The following GRID1 variants were observed in gnomAD, a reference collection of about 807,000 sequenced individuals.
GRID1 encodes the protein glutamate ionotropic receptor delta type subunit 1, also known as glutamate receptor ionotropic, delta-1.
Under a neutral mutation model 98.0 loss-of-function variants are expected in GRID1, and 28 were observed. The ratio of observed to expected loss-of-function variants is 0.29; its 90% CI spans 0.21 to 0.39. GRID1 has a LOEUF of 0.39. Ranked by LOEUF, GRID1 falls within the 10% of genes least tolerant of loss-of-function variation. The probability of loss-of-function intolerance (pLI) is 1.00; values close to 1 mark genes in which losing one functional copy is unlikely to be tolerated. For missense variants in GRID1, 1,111 were observed against 1,340.5 expected, an observed-to-expected ratio of 0.83 and a Z score of 2.67; for synonymous variants, 553 against 538.5, an observed-to-expected ratio of 1.03 and a Z score of -0.37.
At chr10:86,139,882 G>A (rs1433987911) in intron 3 of GRID1, among the ~76,000 whole-genome samples, 1 of 151,742 alleles carries the variant, frequency 6.6e-6, no homozygotes, top group Non-Finnish European at 1.5e-5. Flanking sequence ...AGGCCTGAGG[G>A]TGCTAAAGTT....
intron 2 of GRID1, among the ~76,000 whole-genome samples, chr10:86,234,789 C>T (rs1564714515): frequency 8.5e-6 from 1 of 117,806 alleles, no homozygotes. Context: ...ATGGTCCATC[C>T]AGCTCTGGGC....
chr10:85,929,750 AC>A (rs147435363), intron 4 of GRID1, among the ~76,000 whole-genome samples: 2,565 of 152,210 alleles, frequency 0.017, 70 homozygotes, highest in African/African-American at 0.058. Context: ...TCCTAATGCC[AC>A]TCCCAGTCCT....
chr10:86,114,459 A>C (rs995953573), intron 4 of GRID1, among the ~76,000 whole-genome samples: 2 of 152,170 alleles, frequency 1.3e-5, no homozygotes, highest in Non-Finnish European at 2.9e-5. Context: ...TCCCACAGAT[A>C]AGAAACTCAG....
chr10:86,035,240 C>T (rs1843244436), intron 4 of GRID1, among the ~76,000 whole-genome samples: 1 of 152,166 alleles, frequency 6.6e-6, no homozygotes, highest in South Asian at 2.1e-4. Flanking sequence ...GGGTGGATTT[C>T]TCTGGAAAGG....
chr10:85,738,722 C>T (rs139480329), intron 8 of GRID1, among the ~76,000 whole-genome samples: 31 of 152,284 alleles, frequency 2.0e-4, no homozygotes, highest in Non-Finnish European at 3.2e-4. Context: ...AAAAGCATTA[C>T]GCCAAGTGAA....
chr10:86,278,727 A>G (rs1847311527), intron 2 of GRID1, among the ~76,000 whole-genome samples: 1 of 152,200 alleles, frequency 6.6e-6, no homozygotes. Flanking sequence ...TCAAGAAGAA[A>G]CAGATAACCT....
chr10:86,205,691 C>T (rs1370198330), intron 3 of GRID1, among the ~76,000 whole-genome samples: 1 of 152,124 alleles, frequency 6.6e-6, no homozygotes, highest in Non-Finnish European at 1.5e-5. Context: ...ACATGGAAAC[C>T]ATTCTATCTC....
intron 12 of GRID1, among the ~76,000 whole-genome samples, chr10:85,712,829 T>G (rs952692341): frequency 4.6e-5 from 7 of 151,170 alleles, no homozygotes; most frequent in African/African-American, 1.7e-4. Flanking sequence ...AAGTAGATCA[T>G]AGAAAAAATC....
intron 8 of GRID1, among the ~76,000 whole-genome samples, chr10:85,807,450 C>T (rs964813721): frequency 4.6e-5 from 7 of 151,174 alleles, no homozygotes; most frequent in South Asian, 2.1e-4. Flanking sequence ...AAGAATGATA[C>T]GAATATATGA....
intron 5 of GRID1, among the ~76,000 whole-genome samples, chr10:85,914,808 T>C (rs1316554438): frequency 2.6e-5 from 4 of 152,164 alleles, no homozygotes; most frequent in Admixed American, 6.5e-5. Flanking sequence ...CATTAGAAAT[T>C]GATCAGTAAT....
chr10:85,933,255 C>G (rs1182270655), intron 4 of GRID1, among the ~76,000 whole-genome samples: 1 of 136,844 alleles, frequency 7.3e-6, no homozygotes, highest in Non-Finnish European at 1.5e-5. Flanking sequence ...TCCCAGCCTC[C>G]AGAAGTATAA....
At chr10:86,130,610 G>A (rs890872937) in intron 4 of GRID1, among the ~76,000 whole-genome samples, 3 of 152,094 alleles carry the variant, frequency 2.0e-5, no homozygotes, top group Non-Finnish European at 1.5e-5. Flanking sequence ...GAATTCCAGG[G>A]GAATATAGTC....
chr10:85,644,917 T>C (rs1191404996), intron 13 of GRID1, among the ~76,000 whole-genome samples: 3 of 152,240 alleles, frequency 2.0e-5, no homozygotes, highest in Non-Finnish European at 2.9e-5. Context: ...ATTTTGAACA[T>C]CTCTTCATTT....
intron 15 of GRID1, chr10:85,605,317 T>C (rs1182259587): frequency 3.3e-5 from 5 of 152,136 alleles, no homozygotes; most frequent in Non-Finnish European, 7.4e-5. Context: ...TACCAGGGAG[T>C]CTGGAAGCTG....
intron 3 of GRID1, among the ~76,000 whole-genome samples, chr10:86,166,985 C>T (rs1309063804): frequency 6.6e-6 from 1 of 152,232 alleles, no homozygotes; most frequent in East Asian, 1.9e-4. Context: ...AGCAAGGAAT[C>T]TGGGGCCTAT....
At chr10:85,655,479 G>C (rs1840884391) in intron 12 of GRID1, among the ~76,000 whole-genome samples, 1 of 152,156 alleles carries the variant, frequency 6.6e-6, no homozygotes, top group Admixed American at 6.5e-5. Context: ...CATGTTTTCT[G>C]GAAGAATGAA....
intron 3 of GRID1, among the ~76,000 whole-genome samples, chr10:86,150,003 T>G (rs1397776830): frequency 2.0e-5 from 3 of 152,254 alleles, no homozygotes; most frequent in African/African-American, 7.2e-5. Context: ...TTTTTAGAAT[T>G]TTCACAAATA....
chr10:85,930,309 C>CGGTTATTTATAACTACAAATAACTTGT lies in GRID1; in HGVS notation c.727-14097_727-14071dup, dbSNP rs541708204. Reference sequence around the variant, plus strand: ...GTTATTTATAACTACAAATAACTTGCGGTTATTTATAACTACAAATAACTT... The same window carrying CGGTTATTTATAACTACAAATAACTTGT: ...GTTATTTATAACTACAAATAACTTGCGGTTATTTATAACTACAAATAACTTGTGGTTATTTATAACTACAAATAACTT... On this transcript the variant is annotated intron_variant, in intron 4 of 15. Coordinates refer to ENST00000327946, the MANE Select transcript of GRID1 (RefSeq NM_017551.3). Among the ~76,000 whole-genome samples the CGGTTATTTATAACTACAAATAACTTGT allele has an allele frequency of 5.8e-5, 6 of 104,164 alleles. 2 individuals carry two copies. Among genetic ancestry groups the CGGTTATTTATAACTACAAATAACTTGT allele is most frequent in the Admixed American group, 3.9e-4 (4 of 10,378 alleles). 68.3% of individuals were successfully genotyped at this position (104,164 alleles called of 152,430 possible). A position where few individuals can be genotyped will look rare whatever the true frequency, so the allele number is the denominator to read the frequency against.
chr10:85,653,604 T>C (rs1840856254), intron 12 of GRID1, among the ~76,000 whole-genome samples: 1 of 152,186 alleles, frequency 6.6e-6, no homozygotes, highest in Non-Finnish European at 1.5e-5. Flanking sequence ...CCAAAACTCA[T>C]ATTGAAACTT....
Sources: gnomAD v4.1 joint callset for allele counts (sites outside exome capture counted in the v4.1 genomes callset) on GRCh38, gnomAD v4.1.1 for gene constraint, MANE v1.5 for transcripts, NCBI Gene and HGNC (gene_info 2026-07-23, HGNC 2026-07-21) for gene names.